TCERG1L: variants seen among roughly 807,000 people sequenced by gnomAD.
The protein encoded by TCERG1L is transcription elongation regulator 1 like.
In TCERG1L, 37 loss-of-function variants were observed where a neutral mutation model predicts 56.3. That is an observed-to-expected ratio of 0.66 (90% CI 0.51 to 0.87). The LOEUF is 0.87. Among genes scored for constraint, TCERG1L ranks in the 40% least tolerant of loss-of-function variants. TCERG1L has a pLI of 0.00. For synonymous variants in TCERG1L, 324 were observed against 326.3 expected, an observed-to-expected ratio of 0.99 and a Z score of 0.08; for missense variants, 799 against 774.2, an observed-to-expected ratio of 1.03 and a Z score of -0.38.
At position 131,291,486 on chromosome 10, in the gene TCERG1L, G is replaced by T. The variant is rs1398599988; in HGVS notation, c.670+16725C>A. The stretch of plus-strand genomic sequence containing the variant: ...GTGTCTCCCAGGTTGGAGTGCAGTG[G>T]CGTGATCTCGGCTCACTGCAAGCTC... On this transcript the variant is annotated intron_variant, in intron 3 of 11. Coordinates refer to ENST00000368642, the MANE Select transcript of TCERG1L (RefSeq NM_174937.4). 3.3e-5 allele frequency among the ~76,000 whole-genome samples: 4 copies of T among 123,002 alleles called. No individual in the cohort carries two copies. In the Admixed American group the frequency reaches 4.3e-4, roughly 13 times the overall value. 80.7% of individuals were successfully genotyped at this position (123,002 alleles called of 152,430 possible).
At chr10:131,278,331 CT>C (rs1564832068) in intron 3 of TCERG1L, among the ~76,000 whole-genome samples, 1 of 148,822 alleles carries the variant, frequency 6.7e-6, no homozygotes, top group African/African-American at 2.5e-5. Context: ...ATCGTCTTTT[CT>C]TTTTTCTTTT....
chr10:131,244,287 G>A (rs966499543), intron 4 of TCERG1L, among the ~76,000 whole-genome samples: 12 of 152,178 alleles, frequency 7.9e-5, no homozygotes, highest in Admixed American at 3.3e-4. Context: ...TGACCGTGAA[G>A]CATGAGAAAT....
At chr10:131,198,097 G>A (rs556653763) in intron 4 of TCERG1L, among the ~76,000 whole-genome samples, 1 of 152,310 alleles carries the variant, frequency 6.6e-6, no homozygotes, top group Admixed American at 6.5e-5. Flanking sequence ...TCTCACCTGT[G>A]GCGACATGCC....
intron 4 of TCERG1L, among the ~76,000 whole-genome samples, chr10:131,245,187 A>G (rs1407397959): frequency 1.3e-5 from 2 of 152,224 alleles, no homozygotes; most frequent in African/African-American, 4.8e-5. Context: ...CAGTGTGCAG[A>G]GCAGGGCACT....
chr10:131,226,209 G>C lies in TCERG1L; in HGVS notation c.856+34050C>G, dbSNP rs549368073. 7.9e-5 allele frequency among the ~76,000 whole-genome samples: 12 copies of C among 152,292 alleles called. No homozygotes were observed. The East Asian group carries it at 2.3e-3, about 29-fold the overall frequency. On this transcript the variant is annotated intron_variant, in intron 4 of 11. Coordinates refer to ENST00000368642, the MANE Select transcript of TCERG1L (RefSeq NM_174937.4). ...GCCCGCCTCAGCTTCCCAAAGTGCTGGGAATACAGGTGTGATCCTCCACAC... is the reference window on the plus strand; with the variant it reads ...GCCCGCCTCAGCTTCCCAAAGTGCTCGGAATACAGGTGTGATCCTCCACAC...
chr10:131,206,249 C>T (rs116507402), intron 4 of TCERG1L, among the ~76,000 whole-genome samples: 2,152 of 152,350 alleles, frequency 0.014, 49 homozygotes, highest in African/African-American at 0.048. Context: ...ACCAGAAGGG[C>T]TGGTCCTGCG....
At chr10:131,214,821 G>A (rs1845652740) in intron 4 of TCERG1L, among the ~76,000 whole-genome samples, 1 of 152,222 alleles carries the variant, frequency 6.6e-6, no homozygotes, top group African/African-American at 2.4e-5. Flanking sequence ...ATTTGACAGT[G>A]AGAGCCAGCA....
Position 131,232,453 on chromosome 10 carries a change from C to T in TCERG1L, c.856+27806G>A, listed in dbSNP as rs561220718. On this transcript the variant is annotated intron_variant, in intron 4 of 11. Coordinates refer to ENST00000368642, the MANE Select transcript of TCERG1L (RefSeq NM_174937.4). ...CTAACAGGCAGTGCACACCCCAGAC[C>T]GTACACGCACACGCTCACCTGGCAG... 6.6e-5 allele frequency among the ~76,000 whole-genome samples: 10 copies of T among 152,340 alleles called. No homozygotes were observed. In the East Asian group the frequency reaches 9.7e-4, roughly 15 times the overall value.
At chr10:131,140,186 G>T (rs1163448216) in intron 7 of TCERG1L, among the ~76,000 whole-genome samples, 2 of 152,190 alleles carry the variant, frequency 1.3e-5, no homozygotes, top group African/African-American at 4.8e-5. Flanking sequence ...AATACAGAGA[G>T]GTCCAGTTTT....
intron 3 of TCERG1L, among the ~76,000 whole-genome samples, chr10:131,278,414 T>C (rs1846416260): frequency 6.7e-6 from 1 of 150,040 alleles, no homozygotes; most frequent in South Asian, 2.1e-4. Flanking sequence ...CTCAGCTCAC[T>C]GCAACCTCTG....
chr10:131,158,095 G>T (rs987495233), intron 6 of TCERG1L, among the ~76,000 whole-genome samples: 5 of 152,256 alleles, frequency 3.3e-5, no homozygotes, highest in African/African-American at 1.2e-4. Context: ...CAACAGCAGA[G>T]AAATTCCCAC....
intron 3 of TCERG1L, among the ~76,000 whole-genome samples, chr10:131,303,519 G>A (rs1361562988): frequency 6.6e-6 from 1 of 152,034 alleles, no homozygotes; most frequent in African/African-American, 2.4e-5. Context: ...GTAGATTCCG[G>A]ATATTAGCCC....
chr10:131,099,806 C>T (rs1845287139), intron 10 of TCERG1L, among the ~76,000 whole-genome samples: 1 of 152,196 alleles, frequency 6.6e-6, no homozygotes, highest in African/African-American at 2.4e-5. Flanking sequence ...CAAATATGAC[C>T]TAAATTGAGA....
chr10:131,216,646 G>A (rs909301899), intron 4 of TCERG1L, among the ~76,000 whole-genome samples: 1 of 152,182 alleles, frequency 6.6e-6, no homozygotes, highest in African/African-American at 2.4e-5. Context: ...GAATTGGAGA[G>A]GGGATTAAAC....
At chr10:131,199,399 C>T (rs1289204329) in intron 4 of TCERG1L, among the ~76,000 whole-genome samples, 2 of 152,172 alleles carry the variant, frequency 1.3e-5, no homozygotes, top group Non-Finnish European at 2.9e-5. Context: ...GAACCCCTTG[C>T]TGCTTAGAGA....
chr10:131,242,573 T>A (rs1057093549), intron 4 of TCERG1L, among the ~76,000 whole-genome samples: 8 of 152,204 alleles, frequency 5.3e-5, no homozygotes, highest in African/African-American at 1.9e-4. Context: ...ACCTACACAG[T>A]GAGTATCCCT....
intron 5 of TCERG1L, among the ~76,000 whole-genome samples, chr10:131,163,480 G>T (rs771722866): frequency 1.7e-4 from 26 of 152,272 alleles, no homozygotes; most frequent in Middle Eastern, 3.4e-3. Flanking sequence ...AAGCAGAGAC[G>T]GTCAGAGGCA....
In TCERG1L at chr10:131,149,784, C is replaced by T. The variant is rs547500683; in HGVS notation, c.1035-3124G>A. On this transcript the variant is annotated intron_variant, in intron 6 of 11. Transcript: ENST00000368642. ...CTCTTGCAAGGAATGCAGCTAGACT[C>T]ATCGATGAGACCCTGATGCCAGCGG... 3.3e-5 allele frequency among the ~76,000 whole-genome samples: 5 copies of T among 152,310 alleles called. No individual in the cohort carries two copies. The South Asian group carries it at 1.0e-3, about 32-fold the overall frequency.
chr10:131,117,067 G>T, intron 8 of TCERG1L, 133 bp from the exon 9 acceptor site: 1 of 1,235,980 alleles, frequency 8.1e-7, no homozygotes. Flanking sequence ...TATAAAGCCT[G>T]AGGCGGTCTC....
Sources: gnomAD v4.1 joint callset for allele counts (sites outside exome capture counted in the v4.1 genomes callset) on GRCh38, gnomAD v4.1.1 for gene constraint, MANE v1.5 for transcripts, NCBI Gene and HGNC (gene_info 2026-07-23, HGNC 2026-07-21) for gene names.